The following OCA2 variants were observed in gnomAD, a reference collection of about 807,000 sequenced individuals.
The protein encoded by OCA2 is P protein.
OCA2 carries 77 observed loss-of-function variants against 100.2 expected under a neutral mutation model. That is an observed-to-expected ratio of 0.77 (90% confidence interval 0.64 to 0.93). The LOEUF (loss-of-function observed/expected upper bound fraction) is 0.93. Among genes scored for constraint, OCA2 ranks in the 40% least tolerant of loss-of-function variants. OCA2 has a pLI of 0.00. For synonymous variants in OCA2, 432 were observed against 439.2 expected (o/e 0.98, Z 0.21); for missense variants, 1,062 against 1,089.1 (o/e 0.98, Z 0.35).
the OCA2 span, among the ~76,000 whole-genome samples, chr15:27,741,305 C>T: frequency 6.6e-6 from 1 of 152,172 alleles, no homozygotes; most frequent in Non-Finnish European, 1.5e-5. Context: ...CCAAAAGGAA[C>T]ATTGCCATTG....
At chr15:27,776,910 C>T (rs952719100) in intron 23 of OCA2, 1 of 151,348 alleles carries the variant, frequency 6.6e-6, no homozygotes, top group African/African-American at 2.4e-5. Flanking sequence ...AGCCCCTTCA[C>T]CAGGGCCCGC....
chr15:27,994,668 C>T (rs770823469), intron 9 of OCA2, among the ~76,000 whole-genome samples: 9 of 152,298 alleles, frequency 5.9e-5, no homozygotes, highest in Admixed American at 1.3e-4. Context: ...TGCTCTGCAG[C>T]GCAAGCAATA....
chr15:27,761,996 A>G (rs746138965), intron 23 of OCA2, among the ~76,000 whole-genome samples: 2 of 152,150 alleles, frequency 1.3e-5, no homozygotes, highest in Non-Finnish European at 2.9e-5. Flanking sequence ...TGCCCAGCTT[A>G]TTTTTGACAA....
intron 19 of OCA2, among the ~76,000 whole-genome samples, chr15:27,911,964 G>A (rs2038414185): frequency 6.6e-6 from 1 of 152,162 alleles, no homozygotes; most frequent in African/African-American, 2.4e-5. Context: ...TACTGTAGTT[G>A]AGTTAGTAAA....
intron 1 of OCA2, among the ~76,000 whole-genome samples, chr15:28,090,074 T>A (rs2141955930): frequency 6.6e-6 from 1 of 152,256 alleles, no homozygotes; most frequent in South Asian, 2.1e-4. Flanking sequence ...ATGCTAAACT[T>A]CAAGGCAAAG....
chr15:27,863,931 A>G (rs527699776), intron 21 of OCA2, among the ~76,000 whole-genome samples: 9 of 152,266 alleles, frequency 5.9e-5, no homozygotes, highest in Non-Finnish European at 1.3e-4. Context: ...GACACAGTGG[A>G]TAATCTTCTC....
intron 23 of OCA2, among the ~76,000 whole-genome samples, chr15:27,788,914 C>A (rs1006891737): frequency 3.3e-5 from 5 of 152,046 alleles, no homozygotes; most frequent in Admixed American, 3.3e-4. Flanking sequence ...TTTCAATATA[C>A]ATCCTATTTA....
chr15:27,915,941 A>G (rs1286114318), intron 19 of OCA2, among the ~76,000 whole-genome samples: 1 of 152,228 alleles, frequency 6.6e-6, no homozygotes, highest in East Asian at 1.9e-4. Flanking sequence ...ACATGGAATC[A>G]ATCTAAATGC....
chr15:27,798,870 A>G (rs929955040), intron 23 of OCA2, among the ~76,000 whole-genome samples: 3 of 152,236 alleles, frequency 2.0e-5, no homozygotes, highest in African/African-American at 7.2e-5. Context: ...GTACAGAGAC[A>G]CAATGTAGCC....
intron 15 of OCA2, among the ~76,000 whole-genome samples, chr15:27,958,009 C>A (rs2040287783): frequency 6.6e-6 from 1 of 152,154 alleles, no homozygotes; most frequent in Non-Finnish European, 1.5e-5. Flanking sequence ...AATGAGAACA[C>A]TTGGACATAG....
At chr15:28,039,761 G>A (rs981975863) in intron 2 of OCA2, among the ~76,000 whole-genome samples, 1 of 152,170 alleles carries the variant, frequency 6.6e-6, no homozygotes, top group East Asian at 1.9e-4. Context: ...TTGGCCAGGC[G>A]CGGTGGCTCA....
intron 23 of OCA2, among the ~76,000 whole-genome samples, chr15:27,818,050 C>G (rs2034368865): frequency 6.6e-6 from 1 of 152,138 alleles, no homozygotes; most frequent in Non-Finnish European, 1.5e-5. Context: ...ATTGGAAAAC[C>G]TACAGCTATT....
At chr15:27,813,084 T>C (rs1400641059) in intron 23 of OCA2, among the ~76,000 whole-genome samples, 2 of 152,106 alleles carry the variant, frequency 1.3e-5, no homozygotes, top group Admixed American at 1.3e-4. Context: ...GGGTCACTGC[T>C]GAGAACTCGG....
chr15:27,987,587 G>A (rs977294458), intron 11 of OCA2, among the ~76,000 whole-genome samples: 13 of 151,790 alleles, frequency 8.6e-5, no homozygotes, highest in Non-Finnish European at 1.8e-4. Context: ...AAATTAGCTG[G>A]GTGGGGTGGC....
At chr15:27,916,925 C>T (rs1392817155) in intron 19 of OCA2, among the ~76,000 whole-genome samples, 1 of 152,070 alleles carries the variant, frequency 6.6e-6, no homozygotes, top group East Asian at 1.9e-4. Context: ...GGAAAAGGGC[C>T]AGGAAGCCCT....
chr15:28,004,125 A>G (rs7164691), intron 9 of OCA2, among the ~76,000 whole-genome samples: 2,478 of 151,906 alleles, frequency 0.016, no homozygotes, highest in African/African-American at 0.057. Flanking sequence ...AAAGTAGCCC[A>G]CAGAAGAACA....
chr15:28,003,524 G>A lies in OCA2; in HGVS notation c.1044+11252C>T, dbSNP rs560581106. On this transcript the variant is annotated intron_variant, in intron 9 of 23. Transcript: ENST00000354638. ...TTACTCTGTTTTGTGGGTGAGGGGA[G>A]TAAAATGTGGAAAAACCACAGCCTA... Among the ~76,000 whole-genome samples, 116 of 151,222 alleles carry A rather than the reference G, an allele frequency of 7.7e-4. 1 individual carries two copies. Among genetic ancestry groups the A allele is most frequent in the African/African-American group, 2.8e-3 (115 of 40,548 alleles).
chr15:27,726,757 T>C, the OCA2 span, among the ~76,000 whole-genome samples: 1 of 152,222 alleles, frequency 6.6e-6, no homozygotes, highest in African/African-American at 2.4e-5. Flanking sequence ...TATAATAAAA[T>C]AAAATAAAAT....
At chr15:27,926,475 A>C (rs2039047348) in intron 18 of OCA2, among the ~76,000 whole-genome samples, 1 of 152,168 alleles carries the variant, frequency 6.6e-6, no homozygotes, top group Non-Finnish European at 1.5e-5. Flanking sequence ...AAGTTTATTC[A>C]TGCCTATGTT....
Sources: allele counts gnomAD v4.1 joint callset (sites outside exome capture counted in the v4.1 genomes callset), GRCh38; gene constraint gnomAD v4.1.1; transcripts MANE v1.5; gene names NCBI Gene and HGNC (gene_info 2026-07-23, HGNC 2026-07-21).